The following C21orf58 variants were observed in gnomAD, a reference collection of about 807,000 sequenced individuals.
C21orf58 encodes the protein chromosome 21 open reading frame 58.
Under a neutral mutation model 35.8 loss-of-function variants are expected in C21orf58, and 34 were observed. The observed-to-expected ratio is 0.95, with a 90% confidence interval of 0.72 to 1.26. The LOEUF is 1.26. Among genes scored for constraint, C21orf58 ranks in the 50% most tolerant of loss-of-function variants. The pLI, the probability that C21orf58 is intolerant of heterozygous loss-of-function variation, is 0.00. For synonymous variants in C21orf58, 191 were observed against 175.8 expected (o/e 1.09, Z -0.68); for missense variants, 440 against 414.3 (o/e 1.06, Z -0.54).
chr21:46,311,654 TCCAACCAACCAA>T, intron 5 of C21orf58, 87 bp from the exon 6 acceptor site: 1 of 669,188 alleles, frequency 1.5e-6, no homozygotes, highest in Non-Finnish European at 2.4e-6. Flanking sequence ...CACCCACCCA[TCCAACCAACCAA>T]CCAACCAACC....
intron 1 of C21orf58, 123 bp downstream of exon 1, chr21:46,322,516 C>T: frequency 7.7e-7 from 1 of 1,302,906 alleles, no homozygotes; most frequent in Non-Finnish European, 9.8e-7. Context: ...GTGGGTGCAG[C>T]CCCTGCTCGC....
Position 46,319,275 on chromosome 21 carries a change from AG to A in C21orf58, c.101-1056del, listed in dbSNP as rs1248643869. ...AGGGGCTGGATTACTCCTGACGTAG[AG>A]TTCAACTCACCTTACCCTGGAGGCC... is the stretch of plus-strand genomic sequence containing the variant. On this transcript the variant is annotated intron_variant, in intron 1 of 7. Transcript: ENST00000291691. 1.3e-5 allele frequency: 2 copies of A among 152,332 alleles called. 1 individual carries two copies. Among genetic ancestry groups the A allele is most frequent in the Non-Finnish European group, 2.9e-5 (2 of 68,144 alleles). The allele number at this position is 152,332 out of a possible 1,614,324, so 9.4% of individuals were successfully genotyped here.
chr21:46,301,533 G>T lies in C21orf58; in HGVS notation c.*466C>A. 1 of 986,654 alleles carries T rather than the reference G, an allele frequency of 1.0e-6. No individual in the cohort carries two copies. The highest frequency in any genetic ancestry group is 1.2e-6 in the Non-Finnish European group (1 of 830,706). The allele number at this position is 986,654 out of a possible 1,614,324, so 61.1% of individuals were successfully genotyped here. A position where few individuals can be genotyped will look rare whatever the true frequency, so the allele number is the denominator to read the frequency against. On this transcript the variant is annotated 3_prime_UTR_variant, in exon 8 of 8. Coordinates refer to ENST00000291691, the MANE Select transcript of C21orf58 (RefSeq NM_058180.5). ...TTTGTGGTATTTTCCCCATCAGGAT[G>T]TTCACACTTCCATGTGGCTAAAGCT...
chr21:46,321,797 T>C (rs905012616), intron 1 of C21orf58, among the ~76,000 whole-genome samples: 1 of 152,120 alleles, frequency 6.6e-6, no homozygotes, highest in East Asian at 1.9e-4. Context: ...CTTTTCTTTA[T>C]TGCACTCTTT....
intron 5 of C21orf58, among the ~76,000 whole-genome samples, chr21:46,314,325 G>A (rs1218871856): frequency 6.6e-6 from 1 of 152,052 alleles, no homozygotes; most frequent in South Asian, 2.1e-4. Flanking sequence ...TGATCCGCCC[G>A]CCTCGGCCTC....
At position 46,323,618 on chromosome 21, in the gene C21orf58, C is replaced by A. The variant is rs2083249943; in HGVS notation, c.-880G>T. The A allele has an allele frequency of 6.5e-6, 1 of 153,870 alleles. No homozygotes were observed. Among genetic ancestry groups the A allele is most frequent in the Admixed American group, 6.4e-5 (1 of 15,512 alleles). 9.5% of individuals were successfully genotyped at this position (153,870 alleles called of 1,614,324 possible). On this transcript the variant is annotated 5_prime_UTR_variant, in exon 1 of 8. Transcript: ENST00000291691. ...ATTTTGTTTCGGGTTCCCAGGGTCC[C>A]GGCAAGGGTGAGGGAGCCCTTGCGG...
chr21:46,322,422 CCA>C, intron 1 of C21orf58: 1 of 985,118 alleles, frequency 1.0e-6, no homozygotes, highest in Non-Finnish European at 1.2e-6. Context: ...CCCCTCAGTC[CCA>C]CAGTTGTAAA....
chr21:46,318,331 G>C, intron 1 of C21orf58, 111 bp from the exon 2 acceptor site: 2 of 1,509,716 alleles, frequency 1.3e-6, no homozygotes, highest in Non-Finnish European at 1.8e-6. Flanking sequence ...GCCAGACACA[G>C]GGAGGCCCCA....
chr21:46,321,857 T>C (rs921457580), intron 1 of C21orf58, among the ~76,000 whole-genome samples: 4 of 151,960 alleles, frequency 2.6e-5, no homozygotes, highest in African/African-American at 9.7e-5. Flanking sequence ...GGGAGTTACG[T>C]TTCCCTCCTT....
At chr21:46,322,560 T>C (rs1601716249) in intron 1 of C21orf58, 79 bp downstream of exon 1, 2 of 1,362,834 alleles carry the variant, frequency 1.5e-6, no homozygotes, top group Non-Finnish European at 1.9e-6. Context: ...CCTGCTCTAA[T>C]GAGCCCACTG....
chr21:46,315,287 C>A (rs1170939713), intron 4 of C21orf58, 187 bp downstream of exon 4: 1 of 597,592 alleles, frequency 1.7e-6, no homozygotes, highest in Non-Finnish European at 3.0e-6. Context: ...CCTTACTCAA[C>A]ATTTCCAGTC....
chr21:46,301,958 G>A lies in C21orf58; in HGVS notation c.*41C>T. 4 of 1,474,600 alleles carry A rather than the reference G, an allele frequency of 2.7e-6. No individual in the cohort carries two copies. The highest frequency in any genetic ancestry group is 1.4e-5 in the African/African-American group (1 of 70,338). The allele number at this position is 1,474,600 out of a possible 1,614,324, so 91.3% of individuals were successfully genotyped here. A position where few individuals can be genotyped will look rare whatever the true frequency, so the allele number is the denominator to read the frequency against. On this transcript the variant is annotated 3_prime_UTR_variant, in exon 8 of 8. Transcript: ENST00000291691. ...CAGCCCACAGCCCTGAGGAAGCCTG[G>A]GGGTGGAGGGTGCCCCGGCCAGGGT...
intron 6 of C21orf58, among the ~76,000 whole-genome samples, chr21:46,309,140 G>A (rs113443497): frequency 0.02 from 3,112 of 152,132 alleles, 116 homozygotes; most frequent in African/African-American, 0.071. Context: ...CCAACATGGC[G>A]AAATCCCGTC....
intron 1 of C21orf58, 68 bp downstream of exon 1, chr21:46,322,571 C>T (rs939850305): frequency 2.0e-5 from 28 of 1,399,752 alleles, no homozygotes; most frequent in Middle Eastern, 1.9e-4. Context: ...GAGCCCACTG[C>T]CCAGAGTTTG....
rs528659337 is a variant in C21orf58 at position 46,316,754 on chromosome 21, G to A, written c.370+454C>T. On this transcript the variant is annotated intron_variant, in intron 3 of 7. Transcript: ENST00000291691. ...ACTGGGCTCTGCCCTTGGCAGCTGA[G>A]CCCCCACAGCTCACAGCTTGCCCCA... 4.6e-5 allele frequency among the ~76,000 whole-genome samples: 7 copies of A among 152,338 alleles called. No homozygotes were observed. The South Asian group carries it at 1.4e-3, about 32-fold the overall frequency.
chr21:46,307,762 G>A (rs908649858), intron 6 of C21orf58, among the ~76,000 whole-genome samples: 6 of 152,164 alleles, frequency 3.9e-5, no homozygotes, highest in African/African-American at 1.4e-4. Context: ...GAGGACAGCT[G>A]TCAGGTGATT....
chr21:46,318,526 A>C, intron 1 of C21orf58: 1 of 1,279,524 alleles, frequency 7.8e-7, no homozygotes, highest in Non-Finnish European at 1.0e-6. Context: ...GACCCAGTCC[A>C]GAAGAACCTG....
At chr21:46,302,201 C>A in intron 7 of C21orf58, 47 bp from the exon 8 acceptor site, 1 of 1,435,136 alleles carries the variant, frequency 7.0e-7, no homozygotes, top group South Asian at 1.5e-5. Flanking sequence ...AGGCTGCTCC[C>A]CACCTCCACT....
At chr21:46,300,533 GCA>G (rs754734215), downstream of C21orf58, 54 of 586,948 alleles carry the variant, frequency 9.2e-5, no homozygotes, top group Non-Finnish European at 1.2e-4. Context: ...TTTAACGAGA[GCA>G]CAGAGTCTCT....
Sources: gnomAD v4.1 joint callset for allele counts (sites outside exome capture counted in the v4.1 genomes callset) on GRCh38, gnomAD v4.1.1 for gene constraint, MANE v1.5 for transcripts, NCBI Gene and HGNC (gene_info 2026-07-23, HGNC 2026-07-21) for gene names.